Variants in SPATA31C1 observed in about 807,000 individuals in gnomAD.
The protein encoded by SPATA31C1 is SPATA31 subfamily C member 1.
chr9:87,923,127 T>C, exon 5 of SPATA31C1: 1 of 1,603,470 alleles, frequency 6.2e-7, no homozygotes, highest in East Asian at 2.2e-5. Flanking sequence ...GGAGAACATG[T>C]CACTTTGCCA....
intron 1 of SPATA31C1, among the ~76,000 whole-genome samples, chr9:87,916,833 C>CA (rs1828736148): frequency 2.8e-5 from 2 of 70,184 alleles, no homozygotes; most frequent in African/African-American, 5.9e-5. Context: ...CAGTCTCTAC[C>CA]AAAAATACAA....
chr9:87,922,360 T>C, exon 5 of SPATA31C1: 1 of 1,610,690 alleles, frequency 6.2e-7, no homozygotes, highest in South Asian at 1.1e-5. Flanking sequence ...GGAACCTGTA[T>C]GAGAGCAAAC....
chr9:87,920,394 C>T, exon 5 of SPATA31C1: 1 of 1,613,988 alleles, frequency 6.2e-7, no homozygotes, highest in South Asian at 1.1e-5. Flanking sequence ...CATTGTCTCC[C>T]CGTTAGCTTC....
At chr9:87,922,278 A>G (rs1302935365) in exon 5 of SPATA31C1, 1 of 1,612,440 alleles carries the variant, frequency 6.2e-7, no homozygotes, top group South Asian at 1.1e-5. Flanking sequence ...CCAGCAGAGC[A>G]GGAGCTTAGG....
intron 1 of SPATA31C1, among the ~76,000 whole-genome samples, chr9:87,916,699 AT>A (rs1828729235): frequency 7.8e-6 from 1 of 128,022 alleles, no homozygotes; most frequent in East Asian, 2.2e-4. Context: ...CCAGAGAGAC[AT>A]TAAAATAAGA....
chr9:87,921,050 T>A (rs1397801406), exon 5 of SPATA31C1: 1 of 1,611,488 alleles, frequency 6.2e-7, no homozygotes, highest in Non-Finnish European at 8.5e-7. Context: ...TGAAGAACAC[T>A]GGAGTAGCTT....
chr9:87,921,252 T>G, exon 5 of SPATA31C1: 5 of 1,611,956 alleles, frequency 3.1e-6, no homozygotes, highest in Non-Finnish European at 4.2e-6. Context: ...GCCTGAGAAC[T>G]TTCCAGTCAG....
intron 2 of SPATA31C1, 174 bp from the exon 2 acceptor site, chr9:87,919,080 GT>G (rs1342361690): frequency 1.4e-5 from 15 of 1,094,466 alleles, no homozygotes; most frequent in Non-Finnish European, 2.0e-5. Context: ...CCCTCTTCCT[GT>G]TTTTCTAAGA....
chr9:87,923,232 G>T, exon 5 of SPATA31C1: 1 of 1,603,410 alleles, frequency 6.2e-7, no homozygotes, highest in Non-Finnish European at 8.5e-7. Context: ...GTTCTACTCA[G>T]ACCACAGCAG....
chr9:87,923,237 C>T (rs1828928665), exon 5 of SPATA31C1: 8 of 1,603,540 alleles, frequency 5.0e-6, no homozygotes, highest in Non-Finnish European at 6.8e-6. Flanking sequence ...ACTCAGACCA[C>T]AGCAGAATGC....
chr9:87,920,766 A>G (rs760908758), exon 5 of SPATA31C1: 1 of 1,613,918 alleles, frequency 6.2e-7, no homozygotes, highest in South Asian at 1.1e-5. Flanking sequence ...CGGCTCAAAC[A>G]GTCAAGTTTC....
chr9:87,921,832 C>T, exon 5 of SPATA31C1: 1 of 1,612,088 alleles, frequency 6.2e-7, no homozygotes, highest in Non-Finnish European at 8.5e-7. Flanking sequence ...CAGGTGCTTT[C>T]CTTCCTTGAG....
At chr9:87,922,294 A>G (rs769727804) in exon 5 of SPATA31C1, 13 of 1,612,042 alleles carry the variant, frequency 8.1e-6, no homozygotes, top group Admixed American at 1.7e-5. Context: ...TTAGGAGCCC[A>G]ATCTTCAAGG....
intron 2 of SPATA31C1, chr9:87,918,743 C>T (rs879468973): frequency 2.6e-4 from 46 of 179,036 alleles, no homozygotes; most frequent in Middle Eastern, 3.6e-3. Context: ...CCATGGTGGA[C>T]CTCATATTGA....
At chr9:87,921,303 C>G in exon 5 of SPATA31C1, 2 of 1,611,984 alleles carry the variant, frequency 1.2e-6, no homozygotes, top group Non-Finnish European at 1.7e-6. Flanking sequence ...CATGGGGCAA[C>G]GTGGAAGGAT....
chr9:87,922,440 A>G, exon 5 of SPATA31C1: 2 of 1,610,442 alleles, frequency 1.2e-6, no homozygotes, highest in Non-Finnish European at 1.7e-6. Flanking sequence ...TCTACTCCCT[A>G]GAATGTCTGT....
At chr9:87,920,278 G>A (rs1297640106) in exon 5 of SPATA31C1, 33 of 1,613,664 alleles carry the variant, frequency 2.0e-5, no homozygotes, top group Non-Finnish European at 2.6e-5. Flanking sequence ...CTTGAAAAAG[G>A]TGACTTTGGT....
At chr9:87,920,143 C>T in intron 4 of SPATA31C1, 109 bp from the exon 4 acceptor site, 10 of 1,599,470 alleles carry the variant, frequency 6.3e-6, no homozygotes, top group South Asian at 1.1e-5. Context: ...CAGGGTGTGG[C>T]GTGGTGGAGA....
At chr9:87,920,439 G>T (rs779204293) in exon 5 of SPATA31C1, 37 of 1,613,794 alleles carry the variant, frequency 2.3e-5, no homozygotes, top group Middle Eastern at 3.3e-4. Context: ...TCAGGATCTG[G>T]CCTCCACCCC....
Sources: allele counts gnomAD v4.1 joint callset (sites outside exome capture counted in the v4.1 genomes callset), GRCh38; gene constraint gnomAD v4.1.1; transcripts MANE v1.5; gene names NCBI Gene and HGNC (gene_info 2026-07-23, HGNC 2026-07-21).